SNX31: variants seen among roughly 807,000 people sequenced by gnomAD.
SNX31 encodes the protein sorting nexin 31.
In SNX31, 58 loss-of-function variants were observed where a neutral mutation model predicts 65.4. That is an observed-to-expected ratio of 0.89 (90% confidence interval 0.72 to 1.10). The LOEUF is 1.10. Among genes scored for constraint, SNX31 ranks in the 50% least tolerant of loss-of-function variants. The pLI, the probability that SNX31 is intolerant of heterozygous loss-of-function variation, is 0.00. For synonymous variants in SNX31, 181 were observed against 190.1 expected (o/e 0.95, Z 0.39); for missense variants, 523 against 529.7 (o/e 0.99, Z 0.12).
chr8:100,640,502 T>C (rs911012112), intron 2 of SNX31, among the ~76,000 whole-genome samples: 2 of 152,230 alleles, frequency 1.3e-5, no homozygotes, highest in East Asian at 1.9e-4. Context: ...CTGCATGTAG[T>C]GACTTCCTTC....
At position 100,655,468 on chromosome 8, in the gene SNX31, C is replaced by T. The variant is rs113633203; in HGVS notation, c.-58+7674G>A. Among the ~76,000 whole-genome samples, 248 of 152,184 alleles carry T rather than the reference C, an allele frequency of 1.6e-3. 2 individuals carry two copies. The highest frequency in any genetic ancestry group is 5.6e-3 in the African/African-American group (231 of 41,510). ...GGGGCAGTTTCCCCCATACTGTTCTCGTGGTGGTGAATACGTCTCACAAGA... is the reference window on the plus strand; with the variant it reads ...GGGGCAGTTTCCCCCATACTGTTCTTGTGGTGGTGAATACGTCTCACAAGA... On this transcript the variant is annotated intron_variant, in intron 1 of 5. Transcript: ENST00000520352.
In SNX31 at chr8:100,602,933, G is replaced by T. The variant is rs569722271; in HGVS notation, c.682-2492C>A. On this transcript the variant is annotated intron_variant, in intron 8 of 13. Coordinates refer to ENST00000311812, the MANE Select transcript of SNX31 (RefSeq NM_152628.4). ...GAAAGCAAGACCAAGAATAAGGGGG[G>T]CCTACTCTGTTCTGTGGGGAGGAAC... Among the ~76,000 whole-genome samples, 28 of 152,270 alleles carry T rather than the reference G, an allele frequency of 1.8e-4. No homozygotes were observed. The South Asian group carries it at 5.8e-3, about 32-fold the overall frequency.
chr8:100,615,550 C>T (rs535433861), intron 5 of SNX31, among the ~76,000 whole-genome samples: 5 of 152,282 alleles, frequency 3.3e-5, no homozygotes, highest in South Asian at 2.1e-4. Context: ...CATCGTTAGG[C>T]GATTTTGTTG....
intron 5 of SNX31, among the ~76,000 whole-genome samples, chr8:100,615,328 G>A (rs1468839838): frequency 6.6e-6 from 1 of 152,156 alleles, no homozygotes; most frequent in East Asian, 1.9e-4. Context: ...TACTCAGTAC[G>A]TATTCAGCAC....
intron 10 of SNX31, among the ~76,000 whole-genome samples, chr8:100,596,010 C>T (rs112354314): frequency 6.6e-6 from 1 of 151,996 alleles, no homozygotes; most frequent in Admixed American, 6.6e-5. Flanking sequence ...AAGTATGAGC[C>T]CAGCTAAAAA....
At chr8:100,618,621 T>A (rs1234779438) in intron 4 of SNX31, 1 of 522,364 alleles carries the variant, frequency 1.9e-6, no homozygotes, top group Non-Finnish European at 3.4e-6. Flanking sequence ...GACTACAAAT[T>A]CTGGTTTCCA....
intron 1 of SNX31, among the ~76,000 whole-genome samples, chr8:100,655,350 G>A (rs1394623635): frequency 6.6e-6 from 1 of 152,174 alleles, no homozygotes; most frequent in Non-Finnish European, 1.5e-5. Context: ...GATATGGTTT[G>A]GCTGTATCCC....
At chr8:100,640,861 T>G (rs148759440) in intron 2 of SNX31, among the ~76,000 whole-genome samples, 1 of 152,246 alleles carries the variant, frequency 6.6e-6, no homozygotes, top group East Asian at 1.9e-4. Context: ...AACAACTCAA[T>G]GTAATGTGGT....
At position 100,622,409 on chromosome 8, in the gene SNX31, G is replaced by A. The variant is rs1817758920; in HGVS notation, c.322-4679C>T. Among the ~76,000 whole-genome samples the A allele has an allele frequency of 6.6e-6, 1 of 152,140 alleles. No homozygotes were observed. Among genetic ancestry groups the A allele is most frequent in the Non-Finnish European group, 1.5e-5 (1 of 68,030 alleles). ...CACGCCTGGAATCCCAGCACTTTGG[G>A]ACCCAGCTGAGGTAGGTGGGTCATT... On this transcript the variant is annotated intron_variant, in intron 4 of 13. Coordinates refer to ENST00000311812, the MANE Select transcript of SNX31 (RefSeq NM_152628.4). This position sits in a 1 kb window ranked among gnomAD's most constrained non-coding sequence, Gnocchi z 5.0.
chr8:100,638,440 A>G (rs75246014), intron 2 of SNX31, among the ~76,000 whole-genome samples: 13,190 of 152,312 alleles, frequency 0.087, 621 homozygotes, highest in Non-Finnish European at 0.095. Context: ...CAGCATTTCC[A>G]TCAGCACAAA....
chr8:100,590,244 G>A (rs1254289610), intron 10 of SNX31, among the ~76,000 whole-genome samples: 2 of 152,194 alleles, frequency 1.3e-5, no homozygotes, highest in Non-Finnish European at 2.9e-5. Context: ...AAAGAAAAAA[G>A]ATATTTTTCC....
chr8:100,604,148 T>TCGAGTCTAGA lies in SNX31; in HGVS notation c.682-3717_682-3708dup, dbSNP rs1335726510. Among the ~76,000 whole-genome samples the TCGAGTCTAGA allele has an allele frequency of 6.6e-6, 1 of 151,804 alleles. No homozygotes were observed. Among genetic ancestry groups the TCGAGTCTAGA allele is most frequent in the African/African-American group, 2.4e-5 (1 of 41,290 alleles). On this transcript the variant is annotated intron_variant, in intron 8 of 13. Transcript: ENST00000311812. This position sits in a 1 kb window ranked among gnomAD's most constrained non-coding sequence, Gnocchi z 4.3. ...TCTGAGTAGGTCCAGACAATGAGAGTCGAGTCTAGACAAGTCTACTCAGTT... is the reference window on the plus strand; with the variant it reads ...TCTGAGTAGGTCCAGACAATGAGAGTCGAGTCTAGACGAGTCTAGACAAGTCTACTCAGTT...
chr8:100,616,461 C>T (rs1253680469), intron 5 of SNX31, among the ~76,000 whole-genome samples: 1 of 152,230 alleles, frequency 6.6e-6, no homozygotes, highest in Admixed American at 6.5e-5. Flanking sequence ...ACTCCTCCTT[C>T]ATTTATGAGT....
chr8:100,606,597 C>G (rs2130984262), intron 8 of SNX31, among the ~76,000 whole-genome samples: 1 of 152,238 alleles, frequency 6.6e-6, no homozygotes, highest in South Asian at 2.1e-4. Flanking sequence ...CCCAAAGTAC[C>G]ACAGTAGGTT....
chr8:100,596,818 G>A lies in SNX31; in HGVS notation c.799C>T (p.Arg267Trp), dbSNP rs113341718. 3.8e-5 allele frequency: 62 copies of A among 1,613,712 alleles called. No homozygotes were observed. The highest frequency in any genetic ancestry group is 3.3e-4 in the African/African-American group (25 of 74,948). ...TCCAGCTGCAGGTATCCATAGTGCC[G>A]TACCTCCCGGGCCAGCTCCAAAAAC... ...TKFLELAREV[R>W]HYGYLQLDPC... The change falls in exon 10 of 14, where the codon CGG (arginine) becomes TGG (tryptophan). Residue 267 changes from arginine to tryptophan, a missense_variant. Arg to Trp is a moderately radical substitution (Grantham distance 101, BLOSUM62 -3). Coordinates refer to ENST00000311812, the MANE Select transcript of SNX31 (RefSeq NM_152628.4).
At chr8:100,585,019 T>C (rs1813911922) in intron 11 of SNX31, among the ~76,000 whole-genome samples, 1 of 152,110 alleles carries the variant, frequency 6.6e-6, no homozygotes, top group Non-Finnish European at 1.5e-5. Flanking sequence ...CCACCGTGCC[T>C]GGCCCACTTT....
chr8:100,577,095 G>A lies in SNX31; in HGVS notation c.1171-20C>T. 6.2e-7 allele frequency: 1 copy of A among 1,608,414 alleles called. No homozygotes were observed. The highest frequency in any genetic ancestry group is 1.3e-5 in the African/African-American group (1 of 74,878). ...AATCTGCTAGATAGATTAGTGAAAT[G>A]TCAGTCAGCTCAGCCCAGAGAAGCA... On this transcript the variant is annotated intron_variant, in intron 12 of 13. Transcript: ENST00000311812.
At chr8:100,651,629 C>CACATTGTGCACA (rs1394447652), upstream of SNX31, among the ~76,000 whole-genome samples, 7 of 152,346 alleles carry the variant, frequency 4.6e-5, no homozygotes, top group East Asian at 1.3e-3. Context: ...TATTGAGCTC[C>CACATTGTGCACA]TTCTGTGTAC....
intron 4 of SNX31, among the ~76,000 whole-genome samples, chr8:100,623,052 C>A (rs778529912): frequency 1.1e-4 from 16 of 152,124 alleles, no homozygotes; most frequent in Middle Eastern, 3.2e-3. Context: ...ACCTGAGACT[C>A]GGTAATTTTT....
Sources: allele counts gnomAD v4.1 joint callset (sites outside exome capture counted in the v4.1 genomes callset), GRCh38; gene constraint gnomAD v4.1.1; non-coding constraint Gnocchi (gnomAD v3.1); transcripts MANE v1.5; gene names NCBI Gene and HGNC (gene_info 2026-07-23, HGNC 2026-07-21).